The following PGAM2 variants were observed in gnomAD, a reference collection of about 807,000 sequenced individuals.
PGAM2 encodes the protein phosphoglycerate mutase 2.
A neutral mutation model predicts 22.5 loss-of-function variants in PGAM2; 23 were observed. That is an observed-to-expected ratio of 1.02 (90% CI 0.74 to 1.45). The LOEUF (loss-of-function observed/expected upper bound fraction) is 1.45. Ranked by LOEUF, PGAM2 falls within the 40% of genes most tolerant of loss-of-function variation. PGAM2 has a pLI of 0.00. For synonymous variants in PGAM2, 133 were observed against 138.6 expected (o/e 0.96, Z 0.29); for missense variants, 349 against 356.2 (o/e 0.98, Z 0.16).
At chr7:44,063,087 A>G in intron 2 of PGAM2, 157 bp from the exon 3 acceptor site, 1 of 784,406 alleles carries the variant, frequency 1.3e-6, no homozygotes, top group Non-Finnish European at 2.2e-6. Flanking sequence ...CCAAAGGTCA[A>G]GGAGTAACTG....
At chr7:44,063,172 T>G (rs1586000039) in intron 2 of PGAM2, 1 of 558,764 alleles carries the variant, frequency 1.8e-6, no homozygotes, top group Non-Finnish European at 3.3e-6. Flanking sequence ...CAAGTGGCTG[T>G]GATCTGTGGT....
intron 2 of PGAM2, chr7:44,064,587 GC>G: frequency 1.8e-6 from 1 of 553,724 alleles, no homozygotes; most frequent in Non-Finnish European, 3.3e-6. Flanking sequence ...TTTGGAGCCT[GC>G]CCCACCTCGG....
Position 44,064,968 on chromosome 7 carries a change from G to A in PGAM2, c.459C>T (p.Cys153=), listed in dbSNP as rs143809043. 1.3e-3 allele frequency: 2,134 copies of A among 1,607,600 alleles called. 1 individual carries two copies. Among genetic ancestry groups the A allele is most frequent in the Non-Finnish European group, 1.7e-3 (1,994 of 1,179,606 alleles). ...AGLKPGELPT[C]ESLKDTIARA... ...GGGCAATGGTGTCCTTGAGGCTCTC[G>A]CAGGTGGGGAGTTCCCCGGGCTTCA... The change falls in exon 2 of 3, where the codon TGC becomes TGT. Residue 153 remains cysteine (C), a synonymous_variant. Coordinates refer to ENST00000297283, the MANE Select transcript of PGAM2 (RefSeq NM_000290.4).
rs746517644 is a variant in PGAM2, at chr7:44,064,916, TCTC to T, written c.508_510del (p.Glu170del). The T allele has an allele frequency of 9.9e-6, 16 of 1,609,046 alleles. No homozygotes were observed. Among genetic ancestry groups the T allele is most frequent in the African/African-American group, 6.7e-5 (5 of 74,662 alleles). ...TTGCCGGCCTTGATCTGGGGAACAA[TCTC>T]CTCGTTCCAGAAGGGCAGGGCCCGG... On this transcript the variant is annotated inframe_deletion, in exon 2 of 3. Coordinates refer to ENST00000297283, the MANE Select transcript of PGAM2 (RefSeq NM_000290.4).
chr7:44,062,797 C>T lies in PGAM2; in HGVS notation c.729G>A (p.Met243Ile). The change falls in exon 3 of 3, where the codon ATG becomes ATA. Residue 243 changes from methionine to isoleucine, a missense_variant. By Grantham distance (10) the Met-to-Ile change is conservative. Coordinates refer to ENST00000297283, the MANE Select transcript of PGAM2 (RefSeq NM_000290.4). ...LGDEETVRKA[M>I]EAVAAQGKAK Reference sequence around the variant, plus strand: ...CCTTGCCCTGGGCAGCCACAGCCTCCATGGCCTTCCGCACCGTTTCCTCAT... The same window carrying T: ...CCTTGCCCTGGGCAGCCACAGCCTCTATGGCCTTCCGCACCGTTTCCTCAT... 6.2e-7 allele frequency: 1 copy of T among 1,614,242 alleles called. No individual in the cohort carries two copies. Among genetic ancestry groups the T allele is most frequent in the Non-Finnish European group, 8.5e-7 (1 of 1,180,044 alleles).
chr7:44,065,018 G>C lies in PGAM2; in HGVS notation c.415-6C>G. 1 of 1,606,688 alleles carries C rather than the reference G, an allele frequency of 6.2e-7. No homozygotes were observed. The highest frequency in any genetic ancestry group is 8.5e-7 in the Non-Finnish European group (1 of 1,179,582). On this transcript the variant is annotated splice_polypyrimidine_tract_variant and splice_region_variant and intron_variant, in intron 1 of 2. Coordinates refer to ENST00000297283, the MANE Select transcript of PGAM2 (RefSeq NM_000290.4). ...AGGCCTGCGTACCGACGCTCCTGGG[G>C]GACACAGGCACGCTGCTTTCCCTCC...
In PGAM2 at chr7:44,064,964, T is replaced by C; in HGVS notation, c.463A>G (p.Ser155Gly). The change falls in exon 2 of 3, where the codon AGC becomes GGC. Residue 155 changes from serine to glycine, a missense_variant. Transcript: ENST00000297283. The stretch of plus-strand genomic sequence containing the variant: ...GCCCGGGCAATGGTGTCCTTGAGGC[T>C]CTCGCAGGTGGGGAGTTCCCCGGGC... The part of the protein sequence containing the change: ...LKPGELPTCE[S>G]LKDTIARALP... 6.2e-7 allele frequency: 1 copy of C among 1,608,160 alleles called. No individual in the cohort carries two copies. Among genetic ancestry groups the C allele is most frequent in the Non-Finnish European group, 8.5e-7 (1 of 1,179,644 alleles).
At chr7:44,064,548 T>G (rs999290804) in intron 2 of PGAM2, 2 of 490,324 alleles carry the variant, frequency 4.1e-6, no homozygotes, top group African/African-American at 3.9e-5. Context: ...TTCCGTTTCC[T>G]AGCTGGGTGT....
chr7:44,062,919 G>A lies in PGAM2; in HGVS notation c.607C>T (p.Gln203Ter). Residue 203 changes from glutamine (Q) to a stop codon, truncating the protein, a stop_gained, in exon 3 of 3, where the codon CAG becomes TAG. Transcript: ENST00000297283. LOFTEE classifies it high-confidence loss of function. ...IVKHLEGMSD[Q>*]AIMELNLPTG... ...GGCAGGTTCAGCTCCATGATCGCCT[G>A]GTCTGACATCCCTATGCCGGAAGGA... 12 of 1,614,168 alleles carry A rather than the reference G, an allele frequency of 7.4e-6. No individual in the cohort carries two copies. The highest frequency in any genetic ancestry group is 1.0e-5 in the Non-Finnish European group (12 of 1,180,010).
intron 2 of PGAM2, 33 bp downstream of exon 2, chr7:44,064,799 C>CCCCGCGGCCGTAGGGGGGCG: frequency 8.2e-7 from 1 of 1,212,908 alleles, no homozygotes; most frequent in Non-Finnish European, 1.2e-6. Context: ...TGCTGCCCAC[C>CCCCGCGGCCGTAGGGGGGCG]CACCCTGCCC....
intron 2 of PGAM2, 39 bp downstream of exon 2, chr7:44,064,793 G>GGCCCCCCCCCCACC: frequency 8.8e-7 from 1 of 1,136,982 alleles, no homozygotes; most frequent in Non-Finnish European, 1.3e-6. Context: ...TGGGGCTGCT[G>GGCCCCCCCCCCACC]CCCACCCACC....
At chr7:44,063,128 C>A in intron 2 of PGAM2, 198 bp from the exon 3 acceptor site, 1 of 618,428 alleles carries the variant, frequency 1.6e-6, no homozygotes, top group South Asian at 1.8e-5. Context: ...AGAAATAGCC[C>A]AGTGGTGAAA....
Position 44,062,734 on chromosome 7 carries a change from G to A in PGAM2, c.*30C>T, listed in dbSNP as rs368555190. 2.5e-5 allele frequency: 40 copies of A among 1,612,182 alleles called. No individual in the cohort carries two copies. The African/African-American group carries it at 4.5e-4, about 18-fold the overall frequency. ...CTGCGCTGGACTCCAGGCTGTTGGG[G>A]GAGGTGCCTTTATTGCCCAAGCCCA... On this transcript the variant is annotated 3_prime_UTR_variant, in exon 3 of 3. Transcript: ENST00000297283.
At chr7:44,062,967 T>C in intron 2 of PGAM2, 37 bp from the exon 3 acceptor site, 1 of 1,611,080 alleles carries the variant, frequency 6.2e-7, no homozygotes, top group Non-Finnish European at 8.5e-7. Context: ...AGCCCCTCTG[T>C]CCCCAGCCTG....
Position 44,065,007 on chromosome 7 carries a change from A to G in PGAM2, c.420T>C (p.Arg140=), listed in dbSNP as rs1421129649. The G allele has an allele frequency of 6.2e-7, 1 of 1,606,340 alleles. No individual in the cohort carries two copies. The highest frequency in any genetic ancestry group is 2.2e-5 in the East Asian group (1 of 44,842). The change falls in exon 2 of 3, where the codon CGT becomes CGC. Residue 140 remains arginine, a synonymous_variant. Coordinates refer to ENST00000297283, the MANE Select transcript of PGAM2 (RefSeq NM_000290.4). ...HPYYNSISKE[R]RYAGLKPGEL... is the part of the protein sequence containing the mutation. ...CCCCGGGCTTCAGGCCTGCGTACCG[A>G]CGCTCCTGGGGGACACAGGCACGCT...
At position 44,065,201 on chromosome 7, in the gene PGAM2, T is replaced by C; in HGVS notation, c.329A>G (p.Glu110Gly). Residue 110 changes from glutamate (E) to glycine (G), a missense_variant, in exon 1 of 3, where the codon GAG becomes GGG. Coordinates refer to ENST00000297283, the MANE Select transcript of PGAM2 (RefSeq NM_000290.4). ...GGAGCGCCTCCAGATCTTCACCTGC[T>C]CCTCCCCGTGCTTGGCGGCCGTTTC... is the stretch of plus-strand genomic sequence containing the variant. ...KAETAAKHGEEQVKIWRRSFD... is the reference protein window; with the variant it reads ...KAETAAKHGEGQVKIWRRSFD... The C allele has an allele frequency of 6.2e-7, 1 of 1,614,078 alleles. No individual in the cohort carries two copies. Among genetic ancestry groups the C allele is most frequent in the South Asian group, 1.1e-5 (1 of 91,086 alleles).
chr7:44,065,363 T>C lies in PGAM2; in HGVS notation c.167A>G (p.Tyr56Cys). Residue 56 changes from tyrosine to cysteine, a missense_variant, in exon 1 of 3, where the codon TAC (tyrosine) becomes TGC (cysteine). Tyr to Cys is a radical substitution (Grantham distance 194). Transcript: ENST00000297283. ...KDAKMEFDIC[Y>C]TSVLKRAIRT... ...GATGGCCCGCTTCAGCACTGACGTG[T>C]AGCAGATGTCAAACTCCATCTTGGC... 6.2e-7 allele frequency: 1 copy of C among 1,613,958 alleles called. No individual in the cohort carries two copies. The highest frequency in any genetic ancestry group is 8.5e-7 in the Non-Finnish European group (1 of 1,180,024).
intron 2 of PGAM2, 29 bp downstream of exon 2, chr7:44,064,803 C>A: frequency 7.0e-7 from 1 of 1,431,518 alleles, no homozygotes; most frequent in Non-Finnish European, 9.6e-7. Flanking sequence ...GCCCACCCAC[C>A]CTGCCCAGGC....
chr7:44,062,771 GC>G lies in PGAM2; in HGVS notation c.754del (p.Ala252ProfsTer?), dbSNP rs1562659855. The G allele has an allele frequency of 6.2e-7, 1 of 1,614,168 alleles. No individual in the cohort carries two copies. The highest frequency in any genetic ancestry group is 2.2e-5 in the East Asian group (1 of 44,880). ...ATTGCCCAAGCCCACCCCTCACTTG[GC>G]CTTGCCCTGGGCAGCCACAGCCTCC... ...AMEAVAAQGK[A>X]K On this transcript the variant is annotated frameshift_variant, in exon 3 of 3. Coordinates refer to ENST00000297283, the MANE Select transcript of PGAM2 (RefSeq NM_000290.4). LOFTEE classifies it high-confidence loss of function.
Sources: gnomAD v4.1 joint callset for allele counts on GRCh38, gnomAD v4.1.1 for gene constraint, MANE v1.5 for transcripts, NCBI Gene and HGNC (gene_info 2026-07-23, HGNC 2026-07-21) for gene names.